The following PPIL2 variants were observed in gnomAD, a reference collection of about 807,000 sequenced individuals.
PPIL2 encodes RING-type E3 ubiquitin-protein ligase PPIL2.
PPIL2 carries 50 observed loss-of-function variants against 75.2 expected under a neutral mutation model. The observed-to-expected ratio is 0.66, with a 90% CI of 0.53 to 0.84. PPIL2 has a LOEUF of 0.84. Ranked by LOEUF, PPIL2 falls within the 40% of genes least tolerant of loss-of-function variation. The pLI is 0.00. For synonymous variants in PPIL2, 245 were observed against 258.8 expected (o/e 0.95, Z 0.51); for missense variants, 590 against 685.0 (o/e 0.86, Z 1.55).
rs116594253 is a variant in PPIL2 at position 21,695,800 on chromosome 22, G to T, written c.*310G>T. 2.5e-6 allele frequency: 3 copies of T among 1,210,698 alleles called. No homozygotes were observed. The highest frequency in any genetic ancestry group is 3.1e-6 in the Non-Finnish European group (3 of 961,554). The allele number at this position is 1,210,698 out of a possible 1,614,324, so 75.0% of individuals were successfully genotyped here. On this transcript the variant is annotated 3_prime_UTR_variant, in exon 20 of 20. Coordinates refer to ENST00000398831, the MANE Select transcript of PPIL2 (RefSeq NM_014337.4). ...CCCCTCTAGTAGGCAGGCCAGGTTA[G>T]TGAGGAAGGACTGTGTCTCCAGATT...
At chr22:21,686,791 G>T in intron 11 of PPIL2, 101 bp from the exon 12 acceptor site, 2 of 1,239,478 alleles carry the variant, frequency 1.6e-6, no homozygotes, top group Non-Finnish European at 2.4e-6. Flanking sequence ...CCCCAGAGCT[G>T]GAGCCTAGTC....
At chr22:21,695,290 G>A in intron 19 of PPIL2, 104 bp from the exon 20 acceptor site, 1 of 1,377,528 alleles carries the variant, frequency 7.3e-7, no homozygotes. Flanking sequence ...GGAGCAGCAG[G>A]TGGGAGGGGT....
At chr22:21,687,862 C>T (rs1278126050) in intron 13 of PPIL2, 130 bp downstream of exon 13, 2 of 1,085,682 alleles carry the variant, frequency 1.8e-6, no homozygotes, top group Non-Finnish European at 2.7e-6. Context: ...AGTTGGTGAT[C>T]CTCTGTTGGG....
At chr22:21,677,133 C>T (rs946607153) in intron 6 of PPIL2, among the ~76,000 whole-genome samples, 4 of 149,592 alleles carry the variant, frequency 2.7e-5, no homozygotes, top group Non-Finnish European at 5.9e-5. Context: ...GCTTCTCAGA[C>T]GGGGCGGCTG....
chr22:21,694,821 AGG>A lies in PPIL2; in HGVS notation c.1332+8_1332+9del. On this transcript the variant is annotated splice_donor_5th_base_variant and intron_variant, in intron 18 of 19. Coordinates refer to ENST00000398831, the MANE Select transcript of PPIL2 (RefSeq NM_014337.4). ...CTATGAGGAGGCCGATGCCCAGGTG[AGG>A]GGGCACGATGCCACCACCTAGGAGG... 6.3e-7 allele frequency: 1 copy of A among 1,596,350 alleles called. No individual in the cohort carries two copies. Among genetic ancestry groups the A allele is most frequent in the Non-Finnish European group, 8.6e-7 (1 of 1,168,976 alleles).
At chr22:21,685,752 A>G in intron 10 of PPIL2, 2 of 408,268 alleles carry the variant, frequency 4.9e-6, no homozygotes, top group Non-Finnish European at 9.6e-6. Flanking sequence ...CCTGGCTTGT[A>G]TTTTCTTCTG....
intron 6 of PPIL2, among the ~76,000 whole-genome samples, chr22:21,679,074 T>G (rs2066997232): frequency 2.6e-5 from 4 of 151,976 alleles, no homozygotes; most frequent in Admixed American, 2.6e-4. Context: ...TTTTGTATTT[T>G]TAGTAGAGAC....
In PPIL2 at chr22:21,683,623, T is replaced by A. The variant is rs138473488; in HGVS notation, c.553+366T>A. ...GTTCAGAGGTCACTCGGCCTTGTGC[T>A]GCAGAGCAGTGGCCTGGGCACTTTG... On this transcript the variant is annotated intron_variant, in intron 9 of 19. Transcript: ENST00000398831. Among the ~76,000 whole-genome samples, 1,298 of 152,360 alleles carry A rather than the reference T, an allele frequency of 8.5e-3. 10 individuals carry two copies. The highest frequency in any genetic ancestry group is 0.013 in the Non-Finnish European group (851 of 68,032).
chr22:21,681,491 C>A, intron 7 of PPIL2, 101 bp downstream of exon 7: 1 of 1,058,324 alleles, frequency 9.4e-7, no homozygotes, highest in Non-Finnish European at 1.4e-6. Flanking sequence ...TACGGCCTGT[C>A]CTCGTGGGGT....
intron 6 of PPIL2, among the ~76,000 whole-genome samples, chr22:21,677,382 G>A (rs1336634172): frequency 1.4e-4 from 21 of 152,300 alleles, no homozygotes; most frequent in African/African-American, 4.1e-4. Flanking sequence ...CCGAGATCAC[G>A]CCACTGCACT....
chr22:21,686,481 A>T lies in PPIL2; in HGVS notation c.715-2A>T. On this transcript the variant is annotated splice_acceptor_variant, in intron 10 of 19. Transcript: ENST00000398831. LOFTEE classifies it high-confidence loss of function. ...GAGGTGCCACCCTGGTTTCCTTGGC[A>T]GGCCCACTATTCCACAGGGAAGGTC... 2 of 1,614,058 alleles carry T rather than the reference A, an allele frequency of 1.2e-6. No homozygotes were observed. Among genetic ancestry groups the T allele is most frequent in the South Asian group, 2.2e-5 (2 of 91,080 alleles).
chr22:21,666,629 T>C (rs943128502), intron 1 of PPIL2, among the ~76,000 whole-genome samples: 1 of 151,912 alleles, frequency 6.6e-6, no homozygotes, highest in Non-Finnish European at 1.5e-5. Context: ...GCTAATACGG[T>C]GAAACCCCGT....
chr22:21,694,544 G>T (rs369566899), intron 16 of PPIL2, 49 bp from the exon 17 acceptor site: 107 of 1,600,906 alleles, frequency 6.7e-5, no homozygotes, highest in Non-Finnish European at 8.5e-5. Flanking sequence ...CAGCCGTGGG[G>T]GTGCCCTCCT....
intron 4 of PPIL2, among the ~76,000 whole-genome samples, chr22:21,671,649 C>T (rs552834331): frequency 1.3e-5 from 2 of 152,236 alleles, no homozygotes; most frequent in East Asian, 3.9e-4. Flanking sequence ...CTGAAGCAGT[C>T]CTTCCACCTC....
intron 1 of PPIL2, among the ~76,000 whole-genome samples, chr22:21,668,866 C>T (rs1049491951): frequency 6.6e-6 from 1 of 151,416 alleles, no homozygotes; most frequent in Non-Finnish European, 1.5e-5. Context: ...CGCCTGCCAC[C>T]ACGCCCGGCT....
At chr22:21,682,840 C>T (rs1056675488) in intron 8 of PPIL2, among the ~76,000 whole-genome samples, 3 of 152,264 alleles carry the variant, frequency 2.0e-5, no homozygotes, top group Non-Finnish European at 4.4e-5. Flanking sequence ...TCAATCACCT[C>T]TGTGGCTTGT....
At chr22:21,690,954 TC>T (rs2067595484) in intron 15 of PPIL2, among the ~76,000 whole-genome samples, 1 of 131,122 alleles carries the variant, frequency 7.6e-6, no homozygotes, top group Non-Finnish European at 1.6e-5. Context: ...GTTGCCACCT[TC>T]TCTTTTTTTT....
chr22:21,672,890 G>A (rs1044808906), intron 5 of PPIL2, among the ~76,000 whole-genome samples: 9 of 152,176 alleles, frequency 5.9e-5, no homozygotes, highest in Admixed American at 5.2e-4. Context: ...TGCTGGAGCC[G>A]CTGGGAGGGA....
At chr22:21,672,430 T>C (rs2066670850) in intron 5 of PPIL2, 49 bp downstream of exon 5, 1 of 1,523,554 alleles carries the variant, frequency 6.6e-7, no homozygotes, top group African/African-American at 1.4e-5. Flanking sequence ...TGCTATCCTC[T>C]CACTTCTCCT....
Sources: allele counts gnomAD v4.1 joint callset (sites outside exome capture counted in the v4.1 genomes callset), GRCh38; gene constraint gnomAD v4.1.1; transcripts MANE v1.5; gene names NCBI Gene and HGNC (gene_info 2026-07-23, HGNC 2026-07-21).